TMEM135: variants seen among roughly 807,000 people sequenced by gnomAD.
TMEM135 encodes the protein peroxisomal membrane protein 52.
A neutral mutation model predicts 60.3 loss-of-function variants in TMEM135; 30 were observed. That is an observed-to-expected ratio of 0.50 (90% CI 0.37 to 0.68). The LOEUF (loss-of-function observed/expected upper bound fraction) is 0.68, where lower values mean the gene tolerates loss of function less well. Among genes scored for constraint, TMEM135 ranks in the 30% least tolerant of loss-of-function variants. The probability of loss-of-function intolerance (pLI) is 0.00; values close to 1 mark genes in which losing one functional copy is unlikely to be tolerated. For synonymous variants in TMEM135, 190 were observed against 186.7 expected (o/e 1.02, Z -0.14); for missense variants, 468 against 548.8 (o/e 0.85, Z 1.47).
intron 4 of TMEM135, among the ~76,000 whole-genome samples, chr11:87,102,766 A>C (rs944105490): frequency 1.3e-5 from 2 of 149,340 alleles, no homozygotes; most frequent in South Asian, 4.2e-4. Flanking sequence ...ACAGCATGAA[A>C]TGATTAAATC....
intron 5 of TMEM135, among the ~76,000 whole-genome samples, chr11:87,201,665 G>C (rs1306072490): frequency 6.6e-6 from 1 of 152,138 alleles, no homozygotes; most frequent in Non-Finnish European, 1.5e-5. Context: ...CCCCTGCTTT[G>C]TGAAATGTGA....
At chr11:87,253,114 G>C (rs995457461) in intron 6 of TMEM135, among the ~76,000 whole-genome samples, 2 of 83,744 alleles carry the variant, frequency 2.4e-5, no homozygotes, top group East Asian at 2.2e-4. Flanking sequence ...TTCTTTATTG[G>C]TAGAAAAAAA....
intron 5 of TMEM135, among the ~76,000 whole-genome samples, chr11:87,189,168 C>T (rs998524832): frequency 5.3e-5 from 8 of 150,376 alleles, no homozygotes; most frequent in Admixed American, 3.3e-4. Context: ...CTTTCCCTTT[C>T]CTTTCTTTGC....
intron 5 of TMEM135, among the ~76,000 whole-genome samples, chr11:87,177,658 A>G (rs1417307624): frequency 2.0e-5 from 3 of 152,038 alleles, no homozygotes; most frequent in Admixed American, 6.6e-5. Flanking sequence ...CCAGGTAACC[A>G]CTAATCTTTT....
At chr11:87,258,946 T>C in intron 6 of TMEM135, 1 of 1,481,664 alleles carries the variant, frequency 6.7e-7, no homozygotes, top group Non-Finnish European at 9.4e-7. Flanking sequence ...CAGTTGCTGC[T>C]GTTGCTCGGT....
chr11:87,323,146 T>C lies in TMEM135; in HGVS notation c.*1813T>C, dbSNP rs1309442874. ...ATTAAAAGACTGTGATATTGAAAGATGAATTACGAAATTTGCTGAGATTGT... is the reference window on the plus strand; with the variant it reads ...ATTAAAAGACTGTGATATTGAAAGACGAATTACGAAATTTGCTGAGATTGT... On this transcript the variant is annotated 3_prime_UTR_variant, in exon 15 of 15. Transcript: ENST00000305494. 4.4e-6 allele frequency: 2 copies of C among 454,002 alleles called. No homozygotes were observed. The highest frequency in any genetic ancestry group is 6.8e-4 in the Middle Eastern group (1 of 1,466). The allele number at this position is 454,002 out of a possible 1,614,324, so 28.1% of individuals were successfully genotyped here.
intron 3 of TMEM135, among the ~76,000 whole-genome samples, chr11:87,084,718 C>T (rs1403934432): frequency 6.6e-6 from 1 of 152,148 alleles, no homozygotes. Flanking sequence ...AAGAAGGGAA[C>T]AATGAGAAAA....
At chr11:87,311,391 C>T (rs180758709) in intron 10 of TMEM135, among the ~76,000 whole-genome samples, 1 of 152,024 alleles carries the variant, frequency 6.6e-6, no homozygotes, top group East Asian at 1.9e-4. Flanking sequence ...TTTGAATATA[C>T]AAGAGTTAAG....
At chr11:87,256,379 C>T (rs1370612085) in intron 6 of TMEM135, among the ~76,000 whole-genome samples, 2 of 151,960 alleles carry the variant, frequency 1.3e-5, no homozygotes, top group Non-Finnish European at 2.9e-5. Context: ...ATTATAAATT[C>T]AGAAGTTGGA....
At chr11:87,135,953 T>C (rs1312744608) in intron 4 of TMEM135, among the ~76,000 whole-genome samples, 4 of 152,048 alleles carry the variant, frequency 2.6e-5, no homozygotes, top group African/African-American at 9.6e-5. Flanking sequence ...GTCTTGTATA[T>C]TTTTGTTAAA....
chr11:87,278,457 C>T (rs1015583806), intron 6 of TMEM135, among the ~76,000 whole-genome samples: 1 of 151,712 alleles, frequency 6.6e-6, no homozygotes, highest in African/African-American at 2.4e-5. Flanking sequence ...CCTCCATCTC[C>T]CGGGTTCAAG....
intron 5 of TMEM135, among the ~76,000 whole-genome samples, chr11:87,219,335 T>C (rs765293097): frequency 6.6e-6 from 1 of 152,188 alleles, no homozygotes; most frequent in Non-Finnish European, 1.5e-5. Context: ...TTCTGGAGGC[T>C]ACAAGTCTAA....
chr11:87,070,991 A>G (rs747022379), intron 2 of TMEM135, among the ~76,000 whole-genome samples: 30 of 152,244 alleles, frequency 2.0e-4, no homozygotes, highest in Non-Finnish European at 3.8e-4. Context: ...TAATGGCTCT[A>G]TGAGATAGGT....
chr11:87,129,391 C>T (rs1937841512), intron 4 of TMEM135, among the ~76,000 whole-genome samples: 3 of 151,422 alleles, frequency 2.0e-5, no homozygotes, highest in Non-Finnish European at 4.4e-5. Flanking sequence ...TACAGTCGCA[C>T]ACCACCATGA....
chr11:87,114,912 T>G (rs1412632691), intron 4 of TMEM135, among the ~76,000 whole-genome samples: 1 of 152,190 alleles, frequency 6.6e-6, no homozygotes, highest in Non-Finnish European at 1.5e-5. Context: ...CAAGTTAGTC[T>G]TGCAAATAGC....
intron 10 of TMEM135, among the ~76,000 whole-genome samples, chr11:87,311,093 GTA>G (rs1229690356): frequency 7.7e-5 from 8 of 103,704 alleles, no homozygotes; most frequent in East Asian, 2.3e-4. Flanking sequence ...TATTCTGTGG[GTA>G]TATATATATG....
At chr11:87,041,275 C>T (rs966491334) in intron 1 of TMEM135, among the ~76,000 whole-genome samples, 4 of 118,394 alleles carry the variant, frequency 3.4e-5, no homozygotes, top group African/African-American at 1.1e-4. Flanking sequence ...AGACAGGATT[C>T]GGTTCTCATT....
chr11:87,191,327 G>A (rs1353187437), intron 5 of TMEM135, among the ~76,000 whole-genome samples: 1 of 151,320 alleles, frequency 6.6e-6, no homozygotes, highest in African/African-American at 2.4e-5. Context: ...TGCAAGCTCC[G>A]CCTCCTGGGT....
intron 4 of TMEM135, chr11:87,095,311 TG>T: frequency 4.9e-6 from 1 of 202,900 alleles, no homozygotes; most frequent in Admixed American, 4.6e-5. Flanking sequence ...GTGTTGCCTA[TG>T]TTCTTCTGCC....
Sources: gnomAD v4.1 joint callset for allele counts (sites outside exome capture counted in the v4.1 genomes callset) on GRCh38, gnomAD v4.1.1 for gene constraint, MANE v1.5 for transcripts, NCBI Gene and HGNC (gene_info 2026-07-23, HGNC 2026-07-21) for gene names.